Variants in PCDH15 observed in about 807,000 individuals in gnomAD.
PCDH15 encodes protocadherin-15.
PCDH15 carries 129 observed loss-of-function variants against 178.5 expected under a neutral mutation model. That is an observed-to-expected ratio of 0.72 (90% confidence interval 0.63 to 0.84). The LOEUF is 0.84. Among genes scored for constraint, PCDH15 ranks in the 40% least tolerant of loss-of-function variants. The pLI, the probability that PCDH15 is intolerant of heterozygous loss-of-function variation, is 0.00. For missense variants in PCDH15, 2,230 were observed against 2,099.9 expected, an observed-to-expected ratio of 1.06 and a Z score of -1.21; for synonymous variants, 800 against 732.0, an observed-to-expected ratio of 1.09 and a Z score of -1.50.
chr10:53,944,666 G>T (rs997454754), intron 23 of PCDH15, among the ~76,000 whole-genome samples: 1 of 152,100 alleles, frequency 6.6e-6, no homozygotes, highest in African/African-American at 2.4e-5. Context: ...ACTCTTAAAA[G>T]AAACACTTGA....
At chr10:54,454,153 A>G (rs1428315686) in intron 3 of PCDH15, among the ~76,000 whole-genome samples, 1 of 149,566 alleles carries the variant, frequency 6.7e-6, no homozygotes, top group East Asian at 1.9e-4. Context: ...AAATAGATTT[A>G]TATAGTTTTA....
At chr10:54,522,689 C>A (rs1169115213) in intron 3 of PCDH15, among the ~76,000 whole-genome samples, 1 of 152,152 alleles carries the variant, frequency 6.6e-6, no homozygotes, top group East Asian at 1.9e-4. Context: ...AGAACAGATT[C>A]TCACACAATA....
chr10:54,841,075 A>G (rs758358683), intron 3 of PCDH15, among the ~76,000 whole-genome samples: 12 of 151,814 alleles, frequency 7.9e-5, no homozygotes, highest in Non-Finnish European at 1.6e-4. Context: ...TTGAGCTAAC[A>G]CACATGCACA....
At chr10:55,223,128 C>T (rs889893630) in intron 1 of PCDH15, among the ~76,000 whole-genome samples, 4 of 151,894 alleles carry the variant, frequency 2.6e-5, no homozygotes, top group Non-Finnish European at 5.9e-5. Flanking sequence ...GCTTATGTGA[C>T]CGAGGTATTA....
intron 2 of PCDH15, among the ~76,000 whole-genome samples, chr10:55,580,611 C>A (rs767155337): frequency 4.6e-5 from 7 of 152,114 alleles, no homozygotes; most frequent in Non-Finnish European, 7.4e-5. Context: ...GATCTGCCCA[C>A]CTCGGCCTCC....
At chr10:54,124,015 G>A (rs2041783429) in intron 15 of PCDH15, among the ~76,000 whole-genome samples, 1 of 152,132 alleles carries the variant, frequency 6.6e-6, no homozygotes. Context: ...GGCTGGCTGA[G>A]AGGGAGCGTA....
At chr10:54,742,600 T>C (rs2132831544) in intron 1 of PCDH15, among the ~76,000 whole-genome samples, 1 of 152,134 alleles carries the variant, frequency 6.6e-6, no homozygotes, top group African/African-American at 2.4e-5. Context: ...AGATTTCCAC[T>C]GATGACGTAG....
intron 3 of PCDH15, among the ~76,000 whole-genome samples, chr10:54,381,949 A>G (rs1949285870): frequency 6.6e-6 from 1 of 152,138 alleles, no homozygotes; most frequent in South Asian, 2.1e-4. Flanking sequence ...TTTTCTCCCT[A>G]CAAAATCAGT....
At chr10:54,135,349 G>T (rs1252105556) in intron 14 of PCDH15, among the ~76,000 whole-genome samples, 1 of 151,562 alleles carries the variant, frequency 6.6e-6, no homozygotes, top group Non-Finnish European at 1.5e-5. Context: ...ATCAAAATTT[G>T]CCAATACAGT....
At chr10:55,024,517 C>G (rs1160690982) in intron 2 of PCDH15, among the ~76,000 whole-genome samples, 3 of 151,096 alleles carry the variant, frequency 2.0e-5, no homozygotes, top group African/African-American at 7.3e-5. Context: ...ATGTAAATTC[C>G]ATACCCACAG....
At chr10:54,574,036 C>G (rs1225819585) in intron 2 of PCDH15, among the ~76,000 whole-genome samples, 1 of 152,110 alleles carries the variant, frequency 6.6e-6, no homozygotes, top group East Asian at 1.9e-4. Flanking sequence ...TTAATTAGAT[C>G]TCATTTGTCA....
chr10:54,989,777 A>G (rs918821343), intron 2 of PCDH15, among the ~76,000 whole-genome samples: 3 of 152,142 alleles, frequency 2.0e-5, no homozygotes, highest in Admixed American at 2.0e-4. Flanking sequence ...AAATGTGAGG[A>G]AATGCCATTT....
chr10:54,692,197 A>G (rs1318662040), intron 1 of PCDH15, among the ~76,000 whole-genome samples: 1 of 152,150 alleles, frequency 6.6e-6, no homozygotes, highest in Non-Finnish European at 1.5e-5. Context: ...GAGTTCATTT[A>G]TCATTTAGAT....
At chr10:55,563,900 T>G (rs951368606) in intron 2 of PCDH15, among the ~76,000 whole-genome samples, 1 of 151,930 alleles carries the variant, frequency 6.6e-6, no homozygotes, top group Non-Finnish European at 1.5e-5. Flanking sequence ...AGGTAGTTCA[T>G]TAACCGCTAT....
intron 1 of PCDH15, among the ~76,000 whole-genome samples, chr10:54,779,488 G>GTGTA (rs147450863): frequency 0.019 from 1,020 of 53,272 alleles, 66 homozygotes; most frequent in African/African-American, 0.083. Context: ...ACATATATAT[G>GTGTA]TATATATATA....
At chr10:54,778,938 T>C (rs953356883) in intron 1 of PCDH15, among the ~76,000 whole-genome samples, 5 of 151,814 alleles carry the variant, frequency 3.3e-5, no homozygotes, top group African/African-American at 1.2e-4. Flanking sequence ...AAAGGTAGAG[T>C]TGGGTTTCAT....
chr10:54,329,452 G>A, intron 7 of PCDH15, 144 bp downstream of exon 7: 1 of 638,674 alleles, frequency 1.6e-6, no homozygotes, highest in Non-Finnish European at 2.8e-6. Context: ...ATCTATAAGA[G>A]TATTATATAT....
intron 15 of PCDH15, among the ~76,000 whole-genome samples, chr10:54,111,971 A>C (rs1372474290): frequency 1.1e-5 from 1 of 88,096 alleles, no homozygotes; most frequent in African/African-American, 5.0e-5. Context: ...TACCAAAAAT[A>C]CAAAAAAAAA....
At chr10:54,037,566 T>C (rs535792396) in intron 18 of PCDH15, among the ~76,000 whole-genome samples, 49 of 152,096 alleles carry the variant, frequency 3.2e-4, no homozygotes, top group African/African-American at 9.9e-4. Context: ...AATTGCAGTA[T>C]GGAGTATACT....
Sources: allele counts gnomAD v4.1 joint callset (sites outside exome capture counted in the v4.1 genomes callset), GRCh38; gene constraint gnomAD v4.1.1; transcripts MANE v1.5; gene names NCBI Gene and HGNC (gene_info 2026-07-23, HGNC 2026-07-21).